The following ABCC6 variants were observed in gnomAD, a reference collection of about 807,000 sequenced individuals.
The protein encoded by ABCC6 is ATP binding cassette subfamily C member 6, also known as ATP-binding cassette sub-family C member 6.
ABCC6 carries 126 observed loss-of-function variants against 169.5 expected under a neutral mutation model. The observed-to-expected ratio is 0.74, with a 90% CI of 0.64 to 0.86. ABCC6 has a LOEUF of 0.86. ABCC6 is among the 40% of genes least tolerant of loss of function. The pLI is 0.00. For missense variants in ABCC6, 1,733 were observed against 1,927.2 expected (o/e 0.90, Z 1.89); for synonymous variants, 752 against 814.7 (o/e 0.92, Z 1.31).
rs549910827 is a variant in ABCC6 at position 16,200,443 on chromosome 16, A to AT, written c.1176+1557_1176+1558insA. Among the ~76,000 whole-genome samples, 145 of 150,246 alleles carry AT rather than the reference A, an allele frequency of 9.7e-4. 1 individual carries two copies. Among genetic ancestry groups the AT allele is most frequent in the Admixed American group, 1.6e-3 (24 of 15,008 alleles). ...AAACTCTGTCAGAAAAAAAAAAAAA[A>AT]AAAAAAGCCCAGAGGTTAGAGAGGA... On this transcript the variant is annotated intron_variant, in intron 9 of 30. Transcript: ENST00000205557.
Position 16,150,157 on chromosome 16 carries a change from C to A in ABCC6, c.4488G>T (p.Leu1496=). 1 of 1,613,024 alleles carries A rather than the reference C, an allele frequency of 6.2e-7. No individual in the cohort carries two copies. The highest frequency in any genetic ancestry group is 8.5e-7 in the Non-Finnish European group (1 of 1,180,026). The change falls in exon 31 of 31, where the codon CTG becomes CTT. Residue 1496 remains leucine, a synonymous_variant. Transcript: ENST00000205557. Reference sequence around the variant, plus strand: ...CTCAGACCAGGCCTGACTCCTGGGCCAGTCTGTAAAACAGGCCCTTCTGGG... The same window carrying A: ...CTCAGACCAGGCCTGACTCCTGGGCAAGTCTGTAAAACAGGCCCTTCTGGG... The part of the protein sequence containing the change: ...LLAQKGLFYR[L]AQESGLV
At position 16,202,089 on chromosome 16, in the gene ABCC6, T is replaced by G. The variant is rs944015667; in HGVS notation, c.1088A>C (p.Gln363Pro). The change falls in exon 9 of 31, where the codon CAA becomes CCA. Residue 363 changes from glutamine (Q) to proline (P), a missense_variant. Physicochemically the swap from Gln to Pro is moderately conservative, Grantham distance 76 (BLOSUM62 -1). Coordinates refer to ENST00000205557, the MANE Select transcript of ABCC6 (RefSeq NM_001171.6). Reference protein sequence around the residue: ...AVLMFLSACLQTLFEQQNMYR... With the variant: ...AVLMFLSACLPTLFEQQNMYR... Reference sequence around the variant, plus strand: ...CATGTTCTGCTGCTCAAACAGCGTTTGCAGGCAGGCTGAGAGGAACATCAG... The same window carrying G: ...CATGTTCTGCTGCTCAAACAGCGTTGGCAGGCAGGCTGAGAGGAACATCAG... 7 of 1,613,890 alleles carry G rather than the reference T, an allele frequency of 4.3e-6. No individual in the cohort carries two copies. Among genetic ancestry groups the G allele is most frequent in the Admixed American group, 3.3e-5 (2 of 59,996 alleles).
chr16:16,176,534 C>T (rs965239014), intron 19 of ABCC6, among the ~76,000 whole-genome samples: 21 of 152,238 alleles, frequency 1.4e-4, no homozygotes, highest in African/African-American at 5.1e-4. Context: ...CCAACACAAA[C>T]AGGCAAGTTC....
At chr16:16,207,519 G>T (rs1217281462) in intron 7 of ABCC6, among the ~76,000 whole-genome samples, 1 of 151,988 alleles carries the variant, frequency 6.6e-6, no homozygotes, top group Non-Finnish European at 1.5e-5. Context: ...CCTGAGGCTA[G>T]ATCCTCTTAG....
chr16:16,176,836 A>T (rs1182104033), intron 19 of ABCC6, among the ~76,000 whole-genome samples: 1 of 152,212 alleles, frequency 6.6e-6, no homozygotes, highest in African/African-American at 2.4e-5. Context: ...TGTGAAATGG[A>T]AATGATTCTA....
At chr16:16,157,295 G>C (rs1333645456) in intron 27 of ABCC6, among the ~76,000 whole-genome samples, 2 of 152,208 alleles carry the variant, frequency 1.3e-5, no homozygotes, top group Admixed American at 6.5e-5. Flanking sequence ...CTGAGACTGA[G>C]CTATGAAGTG....
intron 10 of ABCC6, among the ~76,000 whole-genome samples, chr16:16,193,842 C>T (rs1044161726): frequency 2.2e-4 from 34 of 152,200 alleles, no homozygotes; most frequent in African/African-American, 8.0e-4. Flanking sequence ...GCTGCAGACC[C>T]CGAAGGTGGT....
intron 29 of ABCC6, among the ~76,000 whole-genome samples, chr16:16,151,962 G>A (rs1047827974): frequency 6.6e-6 from 1 of 152,026 alleles, no homozygotes; most frequent in Non-Finnish European, 1.5e-5. Context: ...GGAGGCTGAG[G>A]TGGGCGGATC....
chr16:16,165,906 G>A lies in ABCC6; in HGVS notation c.3023C>T (p.Ala1008Val), dbSNP rs776995531. Residue 1008 changes from alanine to valine, a missense_variant, in exon 23 of 31, where the codon GCG (alanine) becomes GTG (valine). Ala to Val is a moderately conservative substitution (Grantham distance 64). Coordinates refer to ENST00000205557, the MANE Select transcript of ABCC6 (RefSeq NM_001171.6). Reference sequence around the variant, plus strand: ...TGCCCGGGCCCCACCTAGGAGCACCGCAGCCATGGAGGCAAACAGCCCAAT... The same window carrying A: ...TGCCCGGGCCCCACCTAGGAGCACCACAGCCATGGAGGCAAACAGCCCAAT... Reference protein sequence around the residue: ...QAIGLFASMAAVLLGGARASR... With the variant: ...QAIGLFASMAVVLLGGARASR... The A allele has an allele frequency of 8.1e-6, 13 of 1,612,908 alleles. No individual in the cohort carries two copies. Among genetic ancestry groups the A allele is most frequent in the African/African-American group, 5.3e-5 (4 of 74,930 alleles).
intron 20 of ABCC6, 42 bp from the exon 21 acceptor site, chr16:16,173,446 C>T: frequency 6.2e-7 from 1 of 1,613,802 alleles, no homozygotes; most frequent in Non-Finnish European, 8.5e-7. Context: ...GTATCTCTCC[C>T]AATGGTGGGG....
At chr16:16,195,042 A>AGTGGC (rs1429384800) in intron 10 of ABCC6, among the ~76,000 whole-genome samples, 1 of 152,070 alleles carries the variant, frequency 6.6e-6, no homozygotes, top group Non-Finnish European at 1.5e-5. Context: ...GGCGCTACCT[A>AGTGGC]GTGGCTCAAT....
intron 13 of ABCC6, among the ~76,000 whole-genome samples, chr16:16,187,624 G>C (rs2047691171): frequency 6.6e-6 from 1 of 152,260 alleles, no homozygotes; most frequent in Non-Finnish European, 1.5e-5. Context: ...GCCAGGTGCA[G>C]CGGCTCATGC....
At chr16:16,163,576 C>A (rs961604960) in intron 23 of ABCC6, among the ~76,000 whole-genome samples, 1 of 152,180 alleles carries the variant, frequency 6.6e-6, no homozygotes, top group Non-Finnish European at 1.5e-5. Context: ...AGGCCGACTA[C>A]TTCATTTACG....
chr16:16,207,761 T>C (rs2048439183), intron 7 of ABCC6, among the ~76,000 whole-genome samples: 1 of 151,916 alleles, frequency 6.6e-6, no homozygotes, highest in Non-Finnish European at 1.5e-5. Flanking sequence ...TTTTATCTAA[T>C]CCTATGCAGG....
At chr16:16,221,909 C>A in intron 1 of ABCC6, 78 bp from the exon 2 acceptor site, 1 of 1,609,498 alleles carries the variant, frequency 6.2e-7, no homozygotes, top group Non-Finnish European at 8.5e-7. Context: ...GGCCAGGCAA[C>A]TTTTTGGATC....
At chr16:16,150,813 C>T (rs369624186) in intron 29 of ABCC6, 41 bp from the exon 30 acceptor site, 41 of 1,602,116 alleles carry the variant, frequency 2.6e-5, no homozygotes, top group African/African-American at 1.3e-4. Flanking sequence ...GTGCGTTTGT[C>T]GGCACATGGT....
chr16:16,171,800 C>G (rs13330970), intron 21 of ABCC6, among the ~76,000 whole-genome samples: 1 of 144,206 alleles, frequency 6.9e-6, no homozygotes, highest in African/African-American at 2.6e-5. Flanking sequence ...ATGGGATGGA[C>G]AGATAAATGA....
chr16:16,200,315 G>T (rs1234662200), intron 9 of ABCC6, among the ~76,000 whole-genome samples: 1 of 151,356 alleles, frequency 6.6e-6, no homozygotes, highest in Non-Finnish European at 1.5e-5. Context: ...TGTAATCCCA[G>T]CTACTCAGGA....
In ABCC6 at chr16:16,152,952, A is replaced by G. The variant is rs759439987; in HGVS notation, c.4208+1676T>C. On this transcript the variant is annotated intron_variant, in intron 29 of 30. Transcript: ENST00000205557. ...TACTCTGTCACCCAGGCTGGAGTGC[A>G]GTGGCACAATCTTGGCTCACTGAAA... is the stretch of plus-strand genomic sequence containing the variant. Among the ~76,000 whole-genome samples the G allele has an allele frequency of 6.9e-4, 104 of 151,816 alleles. 4 individuals are homozygous for G. Among genetic ancestry groups the G allele is most frequent in the Non-Finnish European group, 3.7e-4 (25 of 67,968 alleles).
Sources: allele counts gnomAD v4.1 joint callset (sites outside exome capture counted in the v4.1 genomes callset), GRCh38; gene constraint gnomAD v4.1.1; transcripts MANE v1.5; gene names NCBI Gene and HGNC (gene_info 2026-07-23, HGNC 2026-07-21).